Variants in SAMD12 observed in about 807,000 individuals in gnomAD.
SAMD12 encodes the protein sterile alpha motif domain-containing protein 12.
In SAMD12, 9 loss-of-function variants were observed where a neutral mutation model predicts 15.0. The observed-to-expected ratio is 0.60, with a 90% CI of 0.36 to 1.05. The LOEUF is 1.05. Ranked by LOEUF, SAMD12 falls within the 50% of genes least tolerant of loss-of-function variation. The probability of loss-of-function intolerance (pLI) is 0.01; values close to 1 mark genes in which losing one functional copy is unlikely to be tolerated. For synonymous variants in SAMD12, 86 were observed against 90.1 expected (o/e 0.96, Z 0.25); for missense variants, 230 against 234.2 (o/e 0.98, Z 0.12).
chr8:118,619,175 C>G (rs1828323986), intron 1 of SAMD12, among the ~76,000 whole-genome samples: 1 of 152,084 alleles, frequency 6.6e-6, no homozygotes, highest in Non-Finnish European at 1.5e-5. Flanking sequence ...TGTCACCCAG[C>G]AGTAGAGGTA....
At chr8:118,463,877 A>C (rs898393884) in intron 2 of SAMD12, among the ~76,000 whole-genome samples, 51 of 152,090 alleles carry the variant, frequency 3.4e-4, no homozygotes, top group African/African-American at 1.2e-3. Flanking sequence ...AGGAGGGAAA[A>C]GTATGGTTTT....
chr8:118,182,175 T>A, the SAMD12 span, among the ~76,000 whole-genome samples: 1 of 152,110 alleles, frequency 6.6e-6, no homozygotes, highest in Non-Finnish European at 1.5e-5. Flanking sequence ...CATTAAGAAA[T>A]TTTTCTCAGA....
chr8:118,574,795 G>A (rs1480026948), intron 2 of SAMD12, among the ~76,000 whole-genome samples: 1 of 152,120 alleles, frequency 6.6e-6, no homozygotes, highest in Non-Finnish European at 1.5e-5. Flanking sequence ...TCCTCATTAT[G>A]TTTCATATGC....
chr8:118,241,712 T>C (rs113938841), intron 4 of SAMD12, among the ~76,000 whole-genome samples: 22 of 152,270 alleles, frequency 1.4e-4, no homozygotes, highest in Middle Eastern at 3.4e-3. Flanking sequence ...GAAATGGGGA[T>C]ACCTGCTCAC....
chr8:118,374,029 A>G (rs1020390171), downstream of SAMD12, among the ~76,000 whole-genome samples: 4 of 152,024 alleles, frequency 2.6e-5, no homozygotes, highest in Non-Finnish European at 5.9e-5. Context: ...TAAATCTACT[A>G]TCTTAACCAT....
chr8:118,433,053 C>CTA (rs1346024566), intron 3 of SAMD12, among the ~76,000 whole-genome samples: 1 of 152,132 alleles, frequency 6.6e-6, no homozygotes, highest in Non-Finnish European at 1.5e-5. Context: ...GGACATGTAC[C>CTA]TATATTGTAA....
chr8:118,421,988 C>T (rs1586701316), intron 3 of SAMD12, among the ~76,000 whole-genome samples: 1 of 152,192 alleles, frequency 6.6e-6, no homozygotes, highest in East Asian at 1.9e-4. Context: ...GACAGGAAGA[C>T]CGACTGGAAC....
intron 2 of SAMD12, among the ~76,000 whole-genome samples, chr8:118,549,211 G>A (rs368807513): frequency 2.1e-4 from 32 of 152,348 alleles, no homozygotes; most frequent in East Asian, 9.7e-4. Flanking sequence ...ATCTGAGAAC[G>A]GGCAGACTGC....
intron 3 of SAMD12, among the ~76,000 whole-genome samples, chr8:118,390,393 G>A (rs916929434): frequency 8.2e-5 from 9 of 109,722 alleles, no homozygotes; most frequent in East Asian, 4.2e-4. Flanking sequence ...GCAGGGTTTC[G>A]GCTGACTTTA....
intron 3 of SAMD12, among the ~76,000 whole-genome samples, chr8:118,391,752 A>G (rs1820286555): frequency 6.6e-6 from 1 of 152,254 alleles, no homozygotes; most frequent in Non-Finnish European, 1.5e-5. Context: ...AGAAAAATTA[A>G]CAAGTATTAT....
intron 2 of SAMD12, among the ~76,000 whole-genome samples, chr8:118,458,430 T>C (rs185264866): frequency 1.9e-3 from 291 of 152,328 alleles, no homozygotes; most frequent in Non-Finnish European, 3.3e-3. Context: ...CAAAGGTGTA[T>C]CTTCTGCACT....
the SAMD12 span, among the ~76,000 whole-genome samples, chr8:118,147,422 G>A: frequency 5.3e-3 from 805 of 150,776 alleles, 4 homozygotes; most frequent in African/African-American, 0.018. Context: ...GTGCAATGGC[G>A]CAATCTTGGC....
intron 3 of SAMD12, chr8:118,394,974 C>T (rs1375808466): frequency 6.6e-6 from 1 of 152,172 alleles, no homozygotes; most frequent in African/African-American, 2.4e-5. Context: ...TGCAAATCAC[C>T]ACCATGACAC....
intron 4 of SAMD12, among the ~76,000 whole-genome samples, chr8:118,329,689 A>T (rs1816726320): frequency 6.6e-6 from 1 of 152,182 alleles, no homozygotes; most frequent in South Asian, 2.1e-4. Flanking sequence ...ATTCATCTGA[A>T]TGGGTCATTG....
intron 3 of SAMD12, among the ~76,000 whole-genome samples, chr8:118,437,068 T>C (rs1822598359): frequency 6.6e-6 from 1 of 152,180 alleles, no homozygotes; most frequent in Admixed American, 6.5e-5. Context: ...GTTTGCTCTG[T>C]CATCACATCT....
chr8:118,559,149 A>G (rs1826636585), intron 2 of SAMD12, among the ~76,000 whole-genome samples: 1 of 152,228 alleles, frequency 6.6e-6, no homozygotes, highest in Non-Finnish European at 1.5e-5. Flanking sequence ...TATTCAGCTT[A>G]TAGATCCTGG....
intron 2 of SAMD12, among the ~76,000 whole-genome samples, chr8:118,530,793 A>G (rs1354788674): frequency 1.3e-5 from 2 of 152,066 alleles, no homozygotes; most frequent in East Asian, 3.8e-4. Context: ...TATCTAGATG[A>G]GCTTTTGCTA....
chr8:118,453,693 A>AT (rs1478010698), intron 2 of SAMD12, among the ~76,000 whole-genome samples: 1 of 151,728 alleles, frequency 6.6e-6, no homozygotes, highest in South Asian at 2.1e-4. Context: ...TAATGTTTTT[A>AT]TTTTTTTGTA....
intron 4 of SAMD12, among the ~76,000 whole-genome samples, chr8:118,305,816 T>C (rs545202069): frequency 1.0e-3 from 153 of 152,276 alleles, no homozygotes; most frequent in Admixed American, 5.5e-3. Flanking sequence ...GGGATGACAT[T>C]GCCTAGACTC....
Sources: gnomAD v4.1 joint callset for allele counts (sites outside exome capture counted in the v4.1 genomes callset) on GRCh38, gnomAD v4.1.1 for gene constraint, MANE v1.5 for transcripts, NCBI Gene and HGNC (gene_info 2026-07-23, HGNC 2026-07-21) for gene names.